ATXN7L1: variants seen among roughly 807,000 people sequenced by gnomAD.
The protein encoded by ATXN7L1 is ataxin 7 like 1, also known as ataxin-7-like protein 1.
Under a neutral mutation model 70.8 loss-of-function variants are expected in ATXN7L1, and 15 were observed. The observed-to-expected ratio is 0.21, with a 90% CI of 0.14 to 0.33. The LOEUF (loss-of-function observed/expected upper bound fraction) is 0.33, where lower values mean the gene tolerates loss of function less well. Among genes scored for constraint, ATXN7L1 ranks in the 10% least tolerant of loss-of-function variants. The pLI is 1.00. For missense variants in ATXN7L1, 975 were observed against 1,097.1 expected (o/e 0.89, Z 1.57); for synonymous variants, 440 against 445.1 (o/e 0.99, Z 0.14).
Position 105,665,071 on chromosome 7 carries a change from T to C in ATXN7L1, c.573A>G (p.Lys191=). ...CTGCCAGCCAGCTGACTCACCATGG[T>C]TTATCCCTTGATCCTTTCGCAGGAA... ...TVFPAKGSRD[K]PCVPVPVVSL... Residue 191 remains lysine (K), a synonymous_variant, in exon 4 of 12, where the codon AAA becomes AAG. Transcript: ENST00000419735. 6.4e-7 allele frequency: 1 copy of C among 1,550,482 alleles called. No individual in the cohort carries two copies. The highest frequency in any genetic ancestry group is 8.7e-7 in the Non-Finnish European group (1 of 1,146,746).
chr7:105,874,824 A>C (rs538563905), intron 2 of ATXN7L1, among the ~76,000 whole-genome samples: 2 of 152,302 alleles, frequency 1.3e-5, no homozygotes, highest in Non-Finnish European at 1.5e-5. Context: ...GAGGGGGACC[A>C]TTCTTTGGCA....
chr7:105,648,305 G>T (rs912965424), intron 4 of ATXN7L1, among the ~76,000 whole-genome samples: 2 of 152,092 alleles, frequency 1.3e-5, no homozygotes, highest in African/African-American at 4.8e-5. Context: ...CAAAAGCTTT[G>T]GGCTTTCTCT....
intron 5 of ATXN7L1, among the ~76,000 whole-genome samples, chr7:105,641,212 CTCTTTTTTTTTTT>C (rs1203880017): frequency 6.2e-5 from 4 of 64,022 alleles, no homozygotes; most frequent in African/African-American, 1.2e-4. Flanking sequence ...CTCTCTCTCT[CTCTTTTTTTTTTT>C]TTTTTTTTTT....
intron 3 of ATXN7L1, among the ~76,000 whole-genome samples, chr7:105,749,305 T>C (rs1189961065): frequency 6.6e-6 from 1 of 151,944 alleles, no homozygotes; most frequent in African/African-American, 2.4e-5. Context: ...AAAATCATCA[T>C]ACTGCAAGTC....
At position 105,639,533 on chromosome 7, in the gene ATXN7L1, A is replaced by G. The variant is rs1163433391; in HGVS notation, c.899T>C (p.Leu300Ser). The change falls in exon 6 of 12, where the codon TTG becomes TCG. Residue 300 changes from leucine (L) to serine (S), a missense_variant. Physicochemically the swap from Leu to Ser is moderately radical, Grantham distance 145. Coordinates refer to ENST00000419735, the MANE Select transcript of ATXN7L1 (RefSeq NM_020725.2). Reference sequence around the variant, plus strand: ...GCAAGGTTTCTTTGTCTCGGGATCCAATACTCCACAGTGTTTATTTGGGTC... The same window carrying G: ...GCAAGGTTTCTTTGTCTCGGGATCCGATACTCCACAGTGTTTATTTGGGTC... The part of the protein sequence containing the change: ...EFDPNKHCGV[L>S]DPETKKPCTR... The G allele has an allele frequency of 1.9e-6, 3 of 1,551,648 alleles. No individual in the cohort carries two copies. Among genetic ancestry groups the G allele is most frequent in the Non-Finnish European group, 2.6e-6 (3 of 1,146,910 alleles).
intron 3 of ATXN7L1, among the ~76,000 whole-genome samples, chr7:105,767,280 G>C (rs1206773829): frequency 6.6e-6 from 1 of 152,204 alleles, no homozygotes. Context: ...TAGAAGGGAG[G>C]CCCACCGGGA....
At chr7:105,808,916 C>T (rs113178196) in intron 2 of ATXN7L1, among the ~76,000 whole-genome samples, 109 of 152,366 alleles carry the variant, frequency 7.2e-4, no homozygotes, top group African/African-American at 2.4e-3. Flanking sequence ...ATCAAAAACA[C>T]CAATGTCTGG....
chr7:105,734,053 A>G (rs1273769183), intron 3 of ATXN7L1, among the ~76,000 whole-genome samples: 1 of 152,130 alleles, frequency 6.6e-6, no homozygotes, highest in African/African-American at 2.4e-5. Context: ...ACATCATCTT[A>G]TCTTTCTCTC....
chr7:105,852,751 T>C (rs1303174300), intron 2 of ATXN7L1, among the ~76,000 whole-genome samples: 1 of 151,630 alleles, frequency 6.6e-6, no homozygotes, highest in Non-Finnish European at 1.5e-5. Flanking sequence ...AGGTATACAT[T>C]TGACCCACTC....
intron 3 of ATXN7L1, among the ~76,000 whole-genome samples, chr7:105,779,784 A>G (rs1320559501): frequency 6.6e-6 from 1 of 152,270 alleles, no homozygotes; most frequent in East Asian, 1.9e-4. Flanking sequence ...TAAAGTTTGC[A>G]CAGATTCCTG....
At chr7:105,835,287 T>A (rs1812213053) in intron 2 of ATXN7L1, among the ~76,000 whole-genome samples, 1 of 150,522 alleles carries the variant, frequency 6.6e-6, no homozygotes, top group Admixed American at 6.7e-5. Context: ...CCTGAGAAGC[T>A]GGGACTACAG....
chr7:105,727,260 A>G (rs1000634518), intron 3 of ATXN7L1, among the ~76,000 whole-genome samples: 1 of 152,208 alleles, frequency 6.6e-6, no homozygotes, highest in Non-Finnish European at 1.5e-5. Flanking sequence ...CTTTCATTCT[A>G]TGGAATATTA....
At chr7:105,750,529 T>C (rs1799080248) in intron 3 of ATXN7L1, among the ~76,000 whole-genome samples, 1 of 151,078 alleles carries the variant, frequency 6.6e-6, no homozygotes, top group African/African-American at 2.4e-5. Context: ...GTGTTGGGAT[T>C]ACAGGTGTGA....
intron 3 of ATXN7L1, among the ~76,000 whole-genome samples, chr7:105,680,683 C>T (rs1056437002): frequency 6.6e-6 from 1 of 152,200 alleles, no homozygotes; most frequent in African/African-American, 2.4e-5. Context: ...TCAAGGGCCC[C>T]TGGGCACATT....
chr7:105,622,407 G>A (rs1249425250), intron 8 of ATXN7L1, among the ~76,000 whole-genome samples: 1 of 152,256 alleles, frequency 6.6e-6, no homozygotes, highest in East Asian at 1.9e-4. Flanking sequence ...GTACAGATGC[G>A]AGGCTAGGCC....
intron 2 of ATXN7L1, among the ~76,000 whole-genome samples, chr7:105,798,130 G>A (rs1273996900): frequency 1.3e-5 from 2 of 152,200 alleles, no homozygotes; most frequent in African/African-American, 2.4e-5. Context: ...TGGAAGATAA[G>A]CACTAAGGGA....
intron 3 of ATXN7L1, among the ~76,000 whole-genome samples, chr7:105,699,402 A>G (rs1792160770): frequency 6.6e-6 from 1 of 152,136 alleles, no homozygotes; most frequent in East Asian, 1.9e-4. Flanking sequence ...AAAGTGCTGG[A>G]ATTACAGGCA....
chr7:105,690,802 C>A (rs1213688413), intron 3 of ATXN7L1, among the ~76,000 whole-genome samples: 1 of 152,140 alleles, frequency 6.6e-6, no homozygotes, highest in Non-Finnish European at 1.5e-5. Flanking sequence ...ACAAGCACGG[C>A]AATTTTTAGC....
At position 105,692,420 on chromosome 7, in the gene ATXN7L1, TCCTTCCTC is replaced by T. The variant is rs1356237699; in HGVS notation, c.356-27140_356-27133del. On this transcript the variant is annotated intron_variant, in intron 3 of 11. Coordinates refer to ENST00000419735, the MANE Select transcript of ATXN7L1 (RefSeq NM_020725.2). ...TTCCTTCCTTCCTTCCTTCCTTCCT[TCCTTCCTC>T]CCTCCCTCCCTCCCTCCCTTCCTTC... Among the ~76,000 whole-genome samples, 487 of 111,904 alleles carry T rather than the reference TCCTTCCTC, an allele frequency of 4.4e-3. 2 individuals carry two copies. The highest frequency in any genetic ancestry group is 0.014 in the Middle Eastern group (3 of 222). 73.4% of individuals were successfully genotyped at this position (111,904 alleles called of 152,430 possible). A position where few individuals can be genotyped will look rare whatever the true frequency, so the allele number is the denominator to read the frequency against.
Sources: allele counts gnomAD v4.1 joint callset (sites outside exome capture counted in the v4.1 genomes callset), GRCh38; gene constraint gnomAD v4.1.1; transcripts MANE v1.5; gene names NCBI Gene and HGNC (gene_info 2026-07-23, HGNC 2026-07-21).